The following STIM1 variants were observed in gnomAD, a reference collection of about 807,000 sequenced individuals.
STIM1 encodes stromal interaction molecule 1.
A neutral mutation model predicts 74.7 loss-of-function variants in STIM1; 25 were observed. That is an observed-to-expected ratio of 0.33 (90% CI 0.24 to 0.47). STIM1 has a LOEUF of 0.47. STIM1 is among the 20% of genes least tolerant of loss of function. STIM1 has a pLI of 1.00. For missense variants in STIM1, 728 were observed against 920.8 expected, an observed-to-expected ratio of 0.79 and a Z score of 2.71; for synonymous variants, 328 against 348.8, an observed-to-expected ratio of 0.94 and a Z score of 0.66.
chr11:3,980,683 A>AACAACAACAACAACAAC (rs1217971514), intron 2 of STIM1, among the ~76,000 whole-genome samples: 111 of 142,406 alleles, frequency 7.8e-4, no homozygotes, highest in African/African-American at 3.0e-3. Context: ...ACAACAACAA[A>AACAACAACAACAACAAC]AAAAAACAAA....
At chr11:4,000,042 G>A (rs1393443225) in intron 2 of STIM1, among the ~76,000 whole-genome samples, 9 of 152,098 alleles carry the variant, frequency 5.9e-5, no homozygotes, top group Non-Finnish European at 1.0e-4. Flanking sequence ...AGGGGCGCCC[G>A]CCATTGCCCA....
At chr11:3,915,726 A>C (rs914299347) in intron 1 of STIM1, among the ~76,000 whole-genome samples, 1 of 149,954 alleles carries the variant, frequency 6.7e-6, no homozygotes, top group African/African-American at 2.5e-5. Flanking sequence ...GTTTTAATTT[A>C]TCTTTTGTTG....
chr11:3,966,966 AT>A (rs1192929123), intron 1 of STIM1, among the ~76,000 whole-genome samples: 1 of 152,256 alleles, frequency 6.6e-6, no homozygotes, highest in Non-Finnish European at 1.5e-5. Context: ...TATCTAAAAA[AT>A]ATTTGCCTGA....
chr11:3,910,170 A>G (rs772477544), intron 1 of STIM1, among the ~76,000 whole-genome samples: 13 of 152,230 alleles, frequency 8.5e-5, no homozygotes, highest in Non-Finnish European at 1.3e-4. Flanking sequence ...ATTTGCGACT[A>G]TATTCTTTGG....
At chr11:4,090,688 G>T (rs936359850) in intron 12 of STIM1, among the ~76,000 whole-genome samples, 4 of 152,180 alleles carry the variant, frequency 2.6e-5, no homozygotes, top group Non-Finnish European at 5.9e-5. Flanking sequence ...CATGGAAAAT[G>T]GTGACTCGGA....
At chr11:3,994,891 C>G (rs1276968525) in intron 2 of STIM1, among the ~76,000 whole-genome samples, 1 of 152,080 alleles carries the variant, frequency 6.6e-6, no homozygotes, top group African/African-American at 2.4e-5. Flanking sequence ...TTGAAGTTTG[C>G]TAATTCTTCC....
intron 1 of STIM1, among the ~76,000 whole-genome samples, chr11:3,874,439 A>C (rs997427911): frequency 6.6e-6 from 1 of 152,204 alleles, no homozygotes; most frequent in Admixed American, 6.5e-5. Flanking sequence ...CCCATTTTGC[A>C]GGTGAAGAAA....
intron 1 of STIM1, among the ~76,000 whole-genome samples, chr11:3,864,177 A>G (rs1028320133): frequency 2.0e-5 from 3 of 152,150 alleles, no homozygotes; most frequent in Non-Finnish European, 4.4e-5. Flanking sequence ...GTACTCTCTT[A>G]TTGAGTATAA....
chr11:4,085,310 A>T (rs556313990), intron 11 of STIM1, among the ~76,000 whole-genome samples: 48 of 152,150 alleles, frequency 3.2e-4, no homozygotes, highest in African/African-American at 1.0e-3. Flanking sequence ...CCTTTCTCTC[A>T]TCTTTAGGTA....
At chr11:4,068,888 C>T (rs2094385574) in intron 5 of STIM1, among the ~76,000 whole-genome samples, 1 of 152,214 alleles carries the variant, frequency 6.6e-6, no homozygotes, top group Non-Finnish European at 1.5e-5. Flanking sequence ...GGTGGCTCTA[C>T]CTGGGTCCTT....
chr11:3,939,141 CTAGA>C (rs2135594066), intron 1 of STIM1, among the ~76,000 whole-genome samples: 1 of 152,318 alleles, frequency 6.6e-6, no homozygotes, highest in East Asian at 1.9e-4. Context: ...AGAATTGAGA[CTAGA>C]TAGACTAGCT....
chr11:4,019,891 T>C (rs1175469797), intron 2 of STIM1, among the ~76,000 whole-genome samples: 1 of 152,202 alleles, frequency 6.6e-6, no homozygotes, highest in African/African-American at 2.4e-5. Flanking sequence ...CTAGAACTTA[T>C]AAACTTACCC....
At chr11:4,047,644 A>C (rs1272150647) in intron 3 of STIM1, among the ~76,000 whole-genome samples, 1 of 150,060 alleles carries the variant, frequency 6.7e-6, no homozygotes, top group Non-Finnish European at 1.5e-5. Flanking sequence ...CAAAACAAAG[A>C]CAAAGACAAA....
rs199750412 is a variant in STIM1 at position 4,091,675 on chromosome 11, C to T, written c.2028C>T (p.Pro676=). 2 of 1,614,256 alleles carry T rather than the reference C, an allele frequency of 1.2e-6. No individual in the cohort carries two copies. Among genetic ancestry groups the T allele is most frequent in the East Asian group, 2.2e-5 (1 of 44,886 alleles). ...AAGCCAGCCGAAACACACGCATTCC[C>T]CACCTGGCTGGCAAGAAGGCTGTGG... ...ALQASRNTRI[P]HLAGKKAVAE... Residue 676 remains proline, a synonymous_variant, in exon 13 of 13, where the codon CCC becomes CCT. Coordinates refer to ENST00000526596, the MANE Select transcript of STIM1 (RefSeq NM_001382567.1).
intron 2 of STIM1, among the ~76,000 whole-genome samples, chr11:3,969,481 CTAAAA>C (rs2093371459): frequency 6.6e-6 from 1 of 152,092 alleles, no homozygotes; most frequent in Non-Finnish European, 1.5e-5. Flanking sequence ...GACCCTGTCT[CTAAAA>C]CAAAACAAAA....
chr11:3,936,032 T>C (rs1381033274), intron 1 of STIM1, among the ~76,000 whole-genome samples: 3 of 152,228 alleles, frequency 2.0e-5, no homozygotes, highest in Admixed American at 6.5e-5. Context: ...TTACATATAA[T>C]ATACTCATTT....
chr11:3,887,567 A>G (rs2091755008), intron 1 of STIM1, among the ~76,000 whole-genome samples: 1 of 152,182 alleles, frequency 6.6e-6, no homozygotes, highest in Non-Finnish European at 1.5e-5. Flanking sequence ...CTGGTTAGAG[A>G]AACCTGTTAA....
chr11:3,983,374 G>GACTT (rs1474767430), intron 2 of STIM1, among the ~76,000 whole-genome samples: 1 of 152,212 alleles, frequency 6.6e-6, no homozygotes, highest in Non-Finnish European at 1.5e-5. Flanking sequence ...AGGTATAGAT[G>GACTT]ACTTTTGAGA....
intron 1 of STIM1, chr11:3,892,381 A>G: frequency 2.9e-6 from 4 of 1,391,518 alleles, no homozygotes; most frequent in Non-Finnish European, 4.0e-6. Context: ...ATAAAACACA[A>G]GTCAAACTTA....
Sources: gnomAD v4.1 joint callset for allele counts (sites outside exome capture counted in the v4.1 genomes callset) on GRCh38, gnomAD v4.1.1 for gene constraint, MANE v1.5 for transcripts, NCBI Gene and HGNC (gene_info 2026-07-23, HGNC 2026-07-21) for gene names.